The following GPC6 variants were observed in gnomAD, a reference collection of about 807,000 sequenced individuals.
GPC6 encodes glypican-6.
GPC6 carries 14 observed loss-of-function variants against 55.2 expected under a neutral mutation model. The ratio of observed to expected loss-of-function variants is 0.25; its 90% CI spans 0.17 to 0.40. The LOEUF is 0.40. GPC6 is among the 10% of genes least tolerant of loss of function. The pLI, the probability that GPC6 is intolerant of heterozygous loss-of-function variation, is 1.00. For synonymous variants in GPC6, 278 were observed against 259.6 expected (o/e 1.07, Z -0.68); for missense variants, 641 against 708.5 (o/e 0.90, Z 1.08).
At chr13:93,898,554 T>A (rs946532569) in intron 3 of GPC6, among the ~76,000 whole-genome samples, 1 of 152,142 alleles carries the variant, frequency 6.6e-6, no homozygotes, top group Non-Finnish European at 1.5e-5. Context: ...CTGTAACATT[T>A]GATTTAGGAG....
chr13:93,673,739 T>A (rs962403922), intron 2 of GPC6, among the ~76,000 whole-genome samples: 10 of 152,224 alleles, frequency 6.6e-5, no homozygotes, highest in Admixed American at 5.2e-4. Flanking sequence ...CCAAGTTATC[T>A]ATAAACAGAA....
chr13:93,623,834 G>C lies in GPC6; in HGVS notation c.319+78413G>C, dbSNP rs533225503. Among the ~76,000 whole-genome samples the C allele has an allele frequency of 5.9e-5, 9 of 152,088 alleles. No homozygotes were observed. In the East Asian group the frequency reaches 1.5e-3, roughly 26 times the overall value. ...TTGTAGTTTTGATTTGCATTCTCCTGATGATTAGTGATGTTCAGCATTTTT... is the reference window on the plus strand; with the variant it reads ...TTGTAGTTTTGATTTGCATTCTCCTCATGATTAGTGATGTTCAGCATTTTT... On this transcript the variant is annotated intron_variant, in intron 2 of 8. Transcript: ENST00000377047.
intron 1 of GPC6, among the ~76,000 whole-genome samples, chr13:93,505,683 T>C (rs1437783448): frequency 6.6e-6 from 1 of 152,160 alleles, no homozygotes; most frequent in Non-Finnish European, 1.5e-5. Flanking sequence ...CAAAAGAATT[T>C]ATATATGGCA....
At chr13:94,296,770 T>C (rs1875356992) in intron 5 of GPC6, among the ~76,000 whole-genome samples, 2 of 152,216 alleles carry the variant, frequency 1.3e-5, no homozygotes, top group Non-Finnish European at 2.9e-5. Context: ...ACCAACATAA[T>C]GTCACTGAAC....
chr13:94,372,898 C>T (rs1297394401), intron 6 of GPC6, among the ~76,000 whole-genome samples: 6 of 151,736 alleles, frequency 4.0e-5, no homozygotes, highest in Non-Finnish European at 7.4e-5. Flanking sequence ...TCAAGTGGGT[C>T]CCTGACCCCT....
intron 3 of GPC6, among the ~76,000 whole-genome samples, chr13:93,888,395 T>C (rs1374609838): frequency 1.3e-5 from 2 of 152,212 alleles, no homozygotes; most frequent in Admixed American, 1.3e-4. Flanking sequence ...ATGATGCCTC[T>C]TGGCATATCT....
chr13:93,997,446 G>A (rs1357547024), intron 3 of GPC6, among the ~76,000 whole-genome samples: 1 of 152,086 alleles, frequency 6.6e-6, no homozygotes, highest in Non-Finnish European at 1.5e-5. Flanking sequence ...CTTGGTCAGG[G>A]GAAACTGAGG....
intron 2 of GPC6, among the ~76,000 whole-genome samples, chr13:93,592,360 A>AATATATAT (rs34179629): frequency 0.02 from 2,924 of 144,848 alleles, 58 homozygotes; most frequent in Non-Finnish European, 0.031. Context: ...ATATATGTAA[A>AATATATAT]ATATATATAT....
At chr13:93,998,126 G>A (rs1281146095) in intron 3 of GPC6, among the ~76,000 whole-genome samples, 1 of 152,192 alleles carries the variant, frequency 6.6e-6, no homozygotes, top group Non-Finnish European at 1.5e-5. Context: ...ACGATGTGAT[G>A]TCACTGAACT....
At chr13:94,075,114 A>G (rs1311579375) in intron 4 of GPC6, among the ~76,000 whole-genome samples, 1 of 152,192 alleles carries the variant, frequency 6.6e-6, no homozygotes, top group South Asian at 2.1e-4. Flanking sequence ...TAGTAGCTAT[A>G]CACAATCATC....
At chr13:93,987,140 G>T (rs368725288) in intron 3 of GPC6, among the ~76,000 whole-genome samples, 1 of 152,080 alleles carries the variant, frequency 6.6e-6, no homozygotes, top group African/African-American at 2.4e-5. Context: ...CAAAAGCAGT[G>T]CCTAATTCAT....
intron 2 of GPC6, among the ~76,000 whole-genome samples, chr13:93,755,691 A>G (rs1884743397): frequency 6.6e-6 from 1 of 152,194 alleles, no homozygotes; most frequent in Non-Finnish European, 1.5e-5. Context: ...GTGAAGGTTC[A>G]TTTGCTCCAC....
chr13:93,304,595 G>C (rs182000702), intron 1 of GPC6, among the ~76,000 whole-genome samples: 3 of 152,310 alleles, frequency 2.0e-5, no homozygotes, highest in Admixed American at 6.5e-5. Context: ...CATAGGAACT[G>C]TTATTGAGAA....
At chr13:93,420,991 A>C (rs1876901512) in intron 1 of GPC6, among the ~76,000 whole-genome samples, 1 of 152,118 alleles carries the variant, frequency 6.6e-6, no homozygotes, top group Non-Finnish European at 1.5e-5. Flanking sequence ...AATCTCCAGA[A>C]AGAACTTCAA....
At position 93,391,090 on chromosome 13, in the gene GPC6, T is replaced by C. The variant is rs9301879; in HGVS notation, c.161-154173T>C. Among the ~76,000 whole-genome samples the C allele has an allele frequency of 0.016, 2,434 of 152,162 alleles. 238 individuals are homozygous for C. In the East Asian group the frequency reaches 0.29, roughly 18 times the overall value. Reference sequence around the variant, plus strand: ...CTATGTGCTGTATCACCAAGTTTGTTATAATGATATAGAAAAAAGGGAGTT... The same window carrying C: ...CTATGTGCTGTATCACCAAGTTTGTCATAATGATATAGAAAAAAGGGAGTT... On this transcript the variant is annotated intron_variant, in intron 1 of 8. Coordinates refer to ENST00000377047, the MANE Select transcript of GPC6 (RefSeq NM_005708.5).
At position 93,531,245 on chromosome 13, in the gene GPC6, T is replaced by C. The variant is rs1440271150; in HGVS notation, c.161-14018T>C. ...GACCAATTATATGTAAGAACATATA[T>C]ATTTTACATATATATTTACATTTAT... On this transcript the variant is annotated intron_variant, in intron 1 of 8. Coordinates refer to ENST00000377047, the MANE Select transcript of GPC6 (RefSeq NM_005708.5). Among the ~76,000 whole-genome samples the C allele has an allele frequency of 2.0e-5, 3 of 150,692 alleles. No homozygotes were observed. The East Asian group carries it at 5.8e-4, about 29-fold the overall frequency.
chr13:93,456,346 T>A (rs1878453730), intron 1 of GPC6, among the ~76,000 whole-genome samples: 1 of 152,140 alleles, frequency 6.6e-6, no homozygotes, highest in Non-Finnish European at 1.5e-5. Flanking sequence ...AGAAGCATAT[T>A]TTCTTAGTTA....
At chr13:94,145,709 A>C (rs549109989) in intron 4 of GPC6, among the ~76,000 whole-genome samples, 1 of 152,172 alleles carries the variant, frequency 6.6e-6, no homozygotes, top group Non-Finnish European at 1.5e-5. Context: ...GTATGGGGGA[A>C]TTCAAAGATG....
At chr13:94,009,597 TC>T (rs1882160442) in intron 3 of GPC6, among the ~76,000 whole-genome samples, 1 of 152,094 alleles carries the variant, frequency 6.6e-6, no homozygotes, top group African/African-American at 2.4e-5. Context: ...AGGAAATAAT[TC>T]ACCTAAGATG....
Sources: gnomAD v4.1 joint callset for allele counts (sites outside exome capture counted in the v4.1 genomes callset) on GRCh38, gnomAD v4.1.1 for gene constraint, MANE v1.5 for transcripts, NCBI Gene and HGNC (gene_info 2026-07-23, HGNC 2026-07-21) for gene names.